Variants in ROBO2 observed in about 807,000 individuals in gnomAD.
The protein encoded by ROBO2 is roundabout homolog 2.
In ROBO2, 53 loss-of-function variants were observed where a neutral mutation model predicts 160.8. The observed-to-expected ratio is 0.33, with a 90% confidence interval of 0.26 to 0.41. ROBO2 has a LOEUF of 0.41. ROBO2 is among the 10% of genes least tolerant of loss of function. The pLI is 1.00. For missense variants in ROBO2, 1,577 were observed against 1,722.4 expected (o/e 0.92, Z 1.49); for synonymous variants, 664 against 611.7 (o/e 1.09, Z -1.26).
chr3:76,704,089 A>T (rs906047245), intron 2 of ROBO2, among the ~76,000 whole-genome samples: 4 of 151,970 alleles, frequency 2.6e-5, no homozygotes, highest in African/African-American at 7.3e-5. Context: ...AACTTCTAAC[A>T]ACTTATTCTT....
chr3:75,986,211 GT>G lies in ROBO2; in HGVS notation c.109+48618del, dbSNP rs74843598. 7.2e-3 allele frequency among the ~76,000 whole-genome samples: 1,073 copies of G among 150,036 alleles called. 68 individuals are homozygous for G. The East Asian group carries it at 0.17, about 24-fold the overall frequency. ...TTCTTGCCAACAATTGTTATTTTCT[GT>G]TTTTTTTTAATAGTAACTATCATCA... On this transcript the variant is annotated intron_variant, in intron 2 of 26. Coordinates refer to the ROBO2 transcript ENST00000487694.
intron 23 of ROBO2, chr3:77,632,683 TTGCATGAGAGAATC>T (rs1234565150): frequency 4.6e-6 from 7 of 1,514,422 alleles, no homozygotes; most frequent in Non-Finnish European, 6.2e-6. Flanking sequence ...TCAACACTCT[TTGCATGAGAGAATC>T]TTGTCCTTGG....
rs571578951 is a variant in ROBO2 at position 76,405,902 on chromosome 3, T to C, written c.109+468300T>C. Among the ~76,000 whole-genome samples, 4 of 151,898 alleles carry C rather than the reference T, an allele frequency of 2.6e-5. 1 individual carries two copies. The highest frequency in any genetic ancestry group is 9.6e-5 in the African/African-American group (4 of 41,518). ...ATGATTTGCTCATATGGTTCTGTAA[T>C]ACACTGAAGGTTTTTGGCACCCTTT... On this transcript the variant is annotated intron_variant, in intron 2 of 26. Coordinates refer to the ROBO2 transcript ENST00000487694.
At chr3:76,172,776 A>T (rs1321824809) in intron 2 of ROBO2, among the ~76,000 whole-genome samples, 1 of 152,180 alleles carries the variant, frequency 6.6e-6, no homozygotes, top group Admixed American at 6.5e-5. Flanking sequence ...GAAACAATTT[A>T]AAAAATAGAA....
intron 2 of ROBO2, among the ~76,000 whole-genome samples, chr3:76,770,412 A>T (rs550584329): frequency 6.6e-6 from 1 of 151,440 alleles, no homozygotes; most frequent in African/African-American, 2.4e-5. Flanking sequence ...ATCATAATTA[A>T]TCAATTACAA....
chr3:76,409,098 A>T (rs1477729802), intron 2 of ROBO2, among the ~76,000 whole-genome samples: 4 of 152,064 alleles, frequency 2.6e-5, no homozygotes, highest in African/African-American at 4.8e-5. Context: ...ATTTTGTTTT[A>T]GTTTTTATGG....
chr3:76,214,599 G>A (rs2107346388), intron 2 of ROBO2, among the ~76,000 whole-genome samples: 1 of 152,336 alleles, frequency 6.6e-6, no homozygotes, highest in African/African-American at 2.4e-5. Context: ...CTGCAAGGCA[G>A]CAGCAAGGCT....
intron 7 of ROBO2, among the ~76,000 whole-genome samples, chr3:77,547,781 C>A (rs1179173166): frequency 6.6e-6 from 1 of 152,062 alleles, no homozygotes; most frequent in Non-Finnish European, 1.5e-5. Flanking sequence ...CCTTATCCCA[C>A]ATCAGAACTG....
At chr3:77,330,763 C>T (rs574174273) in intron 2 of ROBO2, among the ~76,000 whole-genome samples, 34 of 152,224 alleles carry the variant, frequency 2.2e-4, no homozygotes, top group African/African-American at 7.5e-4. Flanking sequence ...TTGATCTGAC[C>T]ACATTATATG....
chr3:77,561,832 G>T (rs931776194), intron 9 of ROBO2, among the ~76,000 whole-genome samples: 1 of 151,936 alleles, frequency 6.6e-6, no homozygotes, highest in Non-Finnish European at 1.5e-5. Context: ...GGCTGGGCAC[G>T]GTGGCTCACA....
chr3:76,470,784 A>G (rs12107739), intron 2 of ROBO2, among the ~76,000 whole-genome samples: 4 of 152,234 alleles, frequency 2.6e-5, no homozygotes, highest in African/African-American at 7.2e-5. Flanking sequence ...TTTGGAGACT[A>G]ATTGCTACCA....
intron 2 of ROBO2, among the ~76,000 whole-genome samples, chr3:77,475,089 A>G (rs895985991): frequency 1.5e-5 from 2 of 137,688 alleles, no homozygotes; most frequent in African/African-American, 2.8e-5. Flanking sequence ...GAGAGAAGAA[A>G]CATATTATAA....
intron 2 of ROBO2, among the ~76,000 whole-genome samples, chr3:76,521,816 T>C (rs1389750879): frequency 6.6e-6 from 1 of 152,174 alleles, no homozygotes; most frequent in Non-Finnish European, 1.5e-5. Context: ...TATAGAGTTA[T>C]TATAAATATG....
chr3:76,787,903 ATTAG>A (rs958890771), intron 2 of ROBO2, among the ~76,000 whole-genome samples: 2 of 151,470 alleles, frequency 1.3e-5, no homozygotes, highest in Non-Finnish European at 3.0e-5. Context: ...CCATCATGAT[ATTAG>A]TATTACGTAT....
At chr3:76,141,439 A>C (rs930070811) in intron 2 of ROBO2, among the ~76,000 whole-genome samples, 2 of 150,980 alleles carry the variant, frequency 1.3e-5, no homozygotes, top group African/African-American at 4.9e-5. Context: ...ACCGAATATA[A>C]TTTTTTAATG....
At chr3:77,457,777 CTAAG>C (rs1294056359) in intron 2 of ROBO2, among the ~76,000 whole-genome samples, 1 of 151,878 alleles carries the variant, frequency 6.6e-6, no homozygotes, top group Non-Finnish European at 1.5e-5. Flanking sequence ...TTCTGTCCTC[CTAAG>C]TATTATTTTG....
intron 2 of ROBO2, among the ~76,000 whole-genome samples, chr3:76,143,840 C>T (rs1463111964): frequency 6.6e-6 from 1 of 152,036 alleles, no homozygotes; most frequent in African/African-American, 2.4e-5. Context: ...GTACAGTTCC[C>T]GTCTGAGTTT....
chr3:76,062,101 C>T (rs2068087273), intron 2 of ROBO2, among the ~76,000 whole-genome samples: 1 of 152,108 alleles, frequency 6.6e-6, no homozygotes, highest in Non-Finnish European at 1.5e-5. Flanking sequence ...TTTCCCTGTG[C>T]TATGTAACCT....
chr3:76,381,469 C>T (rs892965806), intron 2 of ROBO2, among the ~76,000 whole-genome samples: 16 of 152,062 alleles, frequency 1.1e-4, no homozygotes, highest in Non-Finnish European at 1.9e-4. Context: ...CCTGCCTCAG[C>T]CTCCTGAGTA....
Sources: allele counts gnomAD v4.1 joint callset (sites outside exome capture counted in the v4.1 genomes callset), GRCh38; gene constraint gnomAD v4.1.1; transcripts MANE v1.5; gene names NCBI Gene and HGNC (gene_info 2026-07-23, HGNC 2026-07-21).